SNX13: variants seen among roughly 807,000 people sequenced by gnomAD.
SNX13 encodes the protein sorting nexin-13.
A neutral mutation model predicts 133.6 loss-of-function variants in SNX13; 45 were observed. That is an observed-to-expected ratio of 0.34 (90% CI 0.27 to 0.43). The LOEUF is 0.43. Ranked by LOEUF, SNX13 falls within the 20% of genes least tolerant of loss-of-function variation. SNX13 has a pLI of 1.00. For missense variants in SNX13, 1,032 were observed against 1,145.1 expected (o/e 0.90, Z 1.43); for synonymous variants, 414 against 373.9 (o/e 1.11, Z -1.24).
At chr7:17,931,734 A>G (rs1562543620) in intron 1 of SNX13, among the ~76,000 whole-genome samples, 1 of 152,248 alleles carries the variant, frequency 6.6e-6, no homozygotes, top group South Asian at 2.1e-4. Flanking sequence ...AAACAGTGCA[A>G]TAAGTAAACA....
chr7:17,881,968 T>G (rs1453440268), intron 5 of SNX13: 2 of 152,226 alleles, frequency 1.3e-5, no homozygotes, highest in Non-Finnish European at 1.5e-5. Context: ...TATCATCCAC[T>G]TTAAGGATTT....
chr7:17,921,371 C>T (rs1291729360), intron 1 of SNX13, among the ~76,000 whole-genome samples: 1 of 152,164 alleles, frequency 6.6e-6, no homozygotes, highest in Non-Finnish European at 1.5e-5. Flanking sequence ...GCTTTTTCCT[C>T]CCTTATACAA....
chr7:17,897,526 T>G, intron 1 of SNX13, 80 bp from the exon 2 acceptor site: 1 of 744,418 alleles, frequency 1.3e-6, no homozygotes, highest in Non-Finnish European at 2.1e-6. Context: ...AACTTTTACA[T>G]AGTTTTAAAT....
chr7:17,826,083 A>G lies in SNX13; in HGVS notation c.1644T>C (p.Asp548=). ...SPTGSINLSL[D]DLSNVSSDDS... is the part of the protein sequence containing the mutation. ...CATCAGAAGAAACATTTGAAAGGTC[A>G]TCTAAAGACTGAGAAAAAAAAATCA... The change falls in exon 17 of 26, where the codon GAT becomes GAC. Residue 548 remains aspartate (D), a synonymous_variant. Coordinates refer to ENST00000428135, the MANE Select transcript of SNX13 (RefSeq NM_015132.5). 6.5e-7 allele frequency: 1 copy of G among 1,538,640 alleles called. No individual in the cohort carries two copies. The highest frequency in any genetic ancestry group is 1.3e-5 in the South Asian group (1 of 79,072).
chr7:17,891,660 C>T lies in SNX13; in HGVS notation c.229-25G>A, dbSNP rs116191774. On this transcript the variant is annotated intron_variant, in intron 3 of 25. Coordinates refer to ENST00000428135, the MANE Select transcript of SNX13 (RefSeq NM_015132.5). Reference sequence around the variant, plus strand: ...ACTTAAAGGAAATCAAAATATCTTACTGAGTAGTTTTCTGATGTAAAATCT... The same window carrying T: ...ACTTAAAGGAAATCAAAATATCTTATTGAGTAGTTTTCTGATGTAAAATCT... The T allele has an allele frequency of 3.3e-3, 5,027 of 1,544,696 alleles. 64 individuals are homozygous for T. The African/African-American group carries it at 0.035, about 11-fold the overall frequency.
At chr7:17,809,388 G>A (rs1184168247) in intron 20 of SNX13, among the ~76,000 whole-genome samples, 1 of 149,046 alleles carries the variant, frequency 6.7e-6, no homozygotes, top group Admixed American at 6.6e-5. Context: ...AAAAAGAAGG[G>A]CATTACATAA....
At position 17,835,099 on chromosome 7, in the gene SNX13, T is replaced by C. The variant is rs187215009; in HGVS notation, c.1360-234A>G. On this transcript the variant is annotated intron_variant, in intron 13 of 25. Transcript: ENST00000428135. ...ACAAACACGGATTTAAATCTCAACTTTTGCCTAGCAAGTTATCTCTCAGTA... is the reference window on the plus strand; with the variant it reads ...ACAAACACGGATTTAAATCTCAACTCTTGCCTAGCAAGTTATCTCTCAGTA... 2.8e-3 allele frequency among the ~76,000 whole-genome samples: 432 copies of C among 151,978 alleles called. 12 individuals carry two copies. The highest frequency in any genetic ancestry group is 0.026 in the Admixed American group (390 of 15,224).
intron 7 of SNX13, among the ~76,000 whole-genome samples, chr7:17,874,573 GAAGA>G (rs1359565599): frequency 6.6e-6 from 1 of 152,028 alleles, no homozygotes; most frequent in African/African-American, 2.4e-5. Context: ...AAAGGCAAAA[GAAGA>G]AAGGAAGAAC....
At chr7:17,905,094 C>A (rs1354212917) in intron 1 of SNX13, among the ~76,000 whole-genome samples, 1 of 152,138 alleles carries the variant, frequency 6.6e-6, no homozygotes, top group African/African-American at 2.4e-5. Context: ...CACCTGATGG[C>A]TTCAGATACA....
chr7:17,822,611 T>C (rs540918544), intron 17 of SNX13, among the ~76,000 whole-genome samples: 105 of 152,302 alleles, frequency 6.9e-4, no homozygotes, highest in African/African-American at 2.4e-3. Flanking sequence ...AGGATGCAAA[T>C]TATCTGCTGG....
At chr7:17,881,454 G>C (rs761459372) in intron 5 of SNX13, 3 of 151,768 alleles carry the variant, frequency 2.0e-5, no homozygotes, top group African/African-American at 7.3e-5. Flanking sequence ...TTCAACAAAA[G>C]GTCTTTATCT....
chr7:17,902,118 T>C (rs1384063717), intron 1 of SNX13, among the ~76,000 whole-genome samples: 1 of 152,196 alleles, frequency 6.6e-6, no homozygotes, highest in Non-Finnish European at 1.5e-5. Flanking sequence ...TTATTATTCA[T>C]TTGAAAACAG....
At chr7:17,929,063 G>C (rs1000343816) in intron 1 of SNX13, among the ~76,000 whole-genome samples, 1 of 151,896 alleles carries the variant, frequency 6.6e-6, no homozygotes, top group African/African-American at 2.4e-5. Context: ...TTTGAGAAGG[G>C]GTAGAAAGAT....
chr7:17,872,928 A>T (rs1015693624), intron 8 of SNX13, among the ~76,000 whole-genome samples: 2 of 152,220 alleles, frequency 1.3e-5, no homozygotes, highest in African/African-American at 4.8e-5. Context: ...CTCAGGGAAT[A>T]ACAAGTCCAA....
chr7:17,926,222 A>G (rs538739619), intron 1 of SNX13, among the ~76,000 whole-genome samples: 6 of 152,298 alleles, frequency 3.9e-5, no homozygotes, highest in African/African-American at 1.4e-4. Context: ...AACGGGTGCT[A>G]GTGACAGTAT....
At chr7:17,856,136 T>C (rs1791849037) in intron 9 of SNX13, among the ~76,000 whole-genome samples, 1 of 152,220 alleles carries the variant, frequency 6.6e-6, no homozygotes, top group Admixed American at 6.5e-5. Flanking sequence ...CTGAACAATA[T>C]CAACAATGTA....
intron 9 of SNX13, among the ~76,000 whole-genome samples, chr7:17,858,792 G>A (rs922261454): frequency 2.6e-5 from 4 of 151,982 alleles, no homozygotes; most frequent in Non-Finnish European, 4.4e-5. Context: ...GAAAAGAAGA[G>A]GCCAGAATCA....
At chr7:17,877,931 T>C (rs1794910376) in intron 5 of SNX13, among the ~76,000 whole-genome samples, 1 of 151,998 alleles carries the variant, frequency 6.6e-6, no homozygotes, top group South Asian at 2.1e-4. Context: ...GGAAGAACAA[T>C]AGCACACTTC....
intron 1 of SNX13, among the ~76,000 whole-genome samples, chr7:17,919,039 T>C (rs917998924): frequency 6.6e-6 from 1 of 152,072 alleles, no homozygotes; most frequent in Non-Finnish European, 1.5e-5. Flanking sequence ...AGCTAAACAT[T>C]GGGTACACAC....
Sources: allele counts gnomAD v4.1 joint callset (sites outside exome capture counted in the v4.1 genomes callset), GRCh38; gene constraint gnomAD v4.1.1; transcripts MANE v1.5; gene names NCBI Gene and HGNC (gene_info 2026-07-23, HGNC 2026-07-21).